The following RPS6KA2 variants were observed in gnomAD, a reference collection of about 807,000 sequenced individuals.
RPS6KA2 encodes ribosomal protein S6 kinase A2.
Under a neutral mutation model 91.8 loss-of-function variants are expected in RPS6KA2, and 42 were observed. The ratio of observed to expected loss-of-function variants is 0.46; its 90% CI spans 0.36 to 0.59. The LOEUF is 0.59. Among genes scored for constraint, RPS6KA2 ranks in the 20% least tolerant of loss-of-function variants. RPS6KA2 has a pLI of 0.00. For synonymous variants in RPS6KA2, 414 were observed against 393.6 expected (o/e 1.05, Z -0.61); for missense variants, 798 against 978.5 (o/e 0.82, Z 2.46).
intron 14 of RPS6KA2, among the ~76,000 whole-genome samples, chr6:166,438,245 T>C (rs1244980692): frequency 2.0e-5 from 3 of 152,256 alleles, no homozygotes; most frequent in South Asian, 2.1e-4. Context: ...TAAGCTCTAT[T>C]CATGCCGAAC....
intron 1 of RPS6KA2, among the ~76,000 whole-genome samples, chr6:166,616,883 C>G (rs948712084): frequency 9.9e-5 from 15 of 152,232 alleles, no homozygotes; most frequent in African/African-American, 3.6e-4. Context: ...CCCCTGACAA[C>G]AGGTGCCTGA....
intron 3 of RPS6KA2, among the ~76,000 whole-genome samples, chr6:166,518,178 T>G (rs1009264445): frequency 6.8e-6 from 1 of 147,882 alleles, no homozygotes; most frequent in Non-Finnish European, 1.5e-5. Flanking sequence ...CCCTAGCTAC[T>G]TGGGAGGCTG....
At chr6:166,417,258 G>T (rs544440646) in intron 19 of RPS6KA2, among the ~76,000 whole-genome samples, 9 of 152,298 alleles carry the variant, frequency 5.9e-5, no homozygotes, top group African/African-American at 2.2e-4. Flanking sequence ...CAATCATTCT[G>T]CAATATCACT....
rs559508991 is a variant in RPS6KA2, at chr6:166,648,959, C to T, written c.124-110175G>A. On this transcript the variant is annotated intron_variant, in intron 2 of 21. Transcript: ENST00000503859. This position sits in a 1 kb window ranked among gnomAD's most constrained non-coding sequence, Gnocchi z 4.8. ...AGGCCACTGGCACCTCATGCCAGCC[C>T]TACTAATGGGCTCCTTCCTTCGCCC... Among the ~76,000 whole-genome samples the T allele has an allele frequency of 3.4e-4, 52 of 152,306 alleles. No individual in the cohort carries two copies. The East Asian group carries it at 6.0e-3, about 17-fold the overall frequency.
chr6:166,423,531 T>G lies in RPS6KA2; in HGVS notation c.1582-114A>C. On this transcript the variant is annotated intron_variant, in intron 16 of 20. Transcript: ENST00000265678. The surrounding 1 kb of genome is among the most constrained non-coding windows in gnomAD (Gnocchi z 4.8). ...TGGGAACTGTCTTCCTAGCAGGTCC[T>G]GCAAGCAGGCAACAGGCCAACAGTG... 3 of 1,031,366 alleles carry G rather than the reference T, an allele frequency of 2.9e-6. No individual in the cohort carries two copies. The highest frequency in any genetic ancestry group is 4.2e-6 in the Non-Finnish European group (3 of 714,456). 63.9% of individuals were successfully genotyped at this position (1,031,366 alleles called of 1,614,324 possible).
In RPS6KA2 at chr6:166,493,653, C is replaced by T. The variant is rs752638119; in HGVS notation, c.748-2912G>A. Among the ~76,000 whole-genome samples, 6 of 152,032 alleles carry T rather than the reference C, an allele frequency of 3.9e-5. No individual in the cohort carries two copies. Among genetic ancestry groups the T allele is most frequent in the African/African-American group, 7.3e-5 (3 of 41,352 alleles). On this transcript the variant is annotated intron_variant, in intron 8 of 20. Transcript: ENST00000265678. This position sits in a 1 kb window ranked among gnomAD's most constrained non-coding sequence, Gnocchi z 4.7. ...CAAGGAGATGTAGCCAAAGCTCCACCGGGTGCAGGCCCGATGCTTCTGGGA... is the reference window on the plus strand; with the variant it reads ...CAAGGAGATGTAGCCAAAGCTCCACTGGGTGCAGGCCCGATGCTTCTGGGA...
At chr6:166,745,237 T>C (rs1033819823) in intron 2 of RPS6KA2, among the ~76,000 whole-genome samples, 1 of 149,676 alleles carries the variant, frequency 6.7e-6, no homozygotes. Flanking sequence ...CTGCAACCTC[T>C]GCCTCCTGGG....
intron 2 of RPS6KA2, among the ~76,000 whole-genome samples, chr6:166,831,969 C>T (rs781045132): frequency 1.6e-4 from 24 of 150,562 alleles, no homozygotes; most frequent in Non-Finnish European, 3.1e-4. Flanking sequence ...TAGATACATA[C>T]GTAGATAATA....
intron 1 of RPS6KA2, among the ~76,000 whole-genome samples, chr6:166,620,831 C>T (rs1562347154): frequency 6.6e-6 from 1 of 152,168 alleles, no homozygotes; most frequent in African/African-American, 2.4e-5. Flanking sequence ...GACAGGTGCT[C>T]AGAAGGATTC....
chr6:166,851,264 G>A (rs1780734951), intron 2 of RPS6KA2, among the ~76,000 whole-genome samples: 1 of 152,146 alleles, frequency 6.6e-6, no homozygotes, highest in Admixed American at 6.5e-5. Flanking sequence ...CTCAGACCTG[G>A]GAGGCCTTAC....
At position 166,494,227 on chromosome 6, in the gene RPS6KA2, C is replaced by A. The variant is rs1254951374; in HGVS notation, c.748-3486G>T. On this transcript the variant is annotated intron_variant, in intron 8 of 20. Coordinates refer to ENST00000265678, the MANE Select transcript of RPS6KA2 (RefSeq NM_021135.6). The surrounding 1 kb of genome is among the most constrained non-coding windows in gnomAD (Gnocchi z 5.1). The stretch of plus-strand genomic sequence containing the variant: ...GCCCATGTGTGGAGGTCCCTGTGTG[C>A]ACAGACACATGCCCTCTAATCCGAG... Among the ~76,000 whole-genome samples, 1 of 152,166 alleles carries A rather than the reference C, an allele frequency of 6.6e-6. No individual in the cohort carries two copies. The highest frequency in any genetic ancestry group is 2.4e-5 in the African/African-American group (1 of 41,448).
chr6:166,511,301 A>G (rs149347447), intron 3 of RPS6KA2, among the ~76,000 whole-genome samples: 452 of 152,312 alleles, frequency 3.0e-3, no homozygotes, highest in African/African-American at 0.01. Context: ...TCCCTGCCTG[A>G]ATCATTCAGG....
intron 2 of RPS6KA2, among the ~76,000 whole-genome samples, chr6:166,710,981 T>C (rs1376619737): frequency 6.6e-6 from 1 of 152,118 alleles, no homozygotes; most frequent in East Asian, 1.9e-4. Flanking sequence ...AGAAAAACCT[T>C]GGCCCCACCT....
intron 2 of RPS6KA2, among the ~76,000 whole-genome samples, chr6:166,748,592 T>TTCTCGGGCCCCCACC (rs1791116182): frequency 4.6e-5 from 1 of 21,598 alleles, no homozygotes; most frequent in Non-Finnish European, 9.0e-5. Context: ...GGGCCCCCAT[T>TTCTCGGGCCCCCACC]TCCTCAGGCC....
chr6:166,571,346 T>C (rs898524439), intron 1 of RPS6KA2, among the ~76,000 whole-genome samples: 2 of 151,162 alleles, frequency 1.3e-5, no homozygotes, highest in African/African-American at 4.9e-5. Context: ...AGCAAAGAGG[T>C]TGCTGCTTCC....
intron 2 of RPS6KA2, among the ~76,000 whole-genome samples, chr6:166,838,436 T>C (rs1250432877): frequency 5.3e-5 from 8 of 152,206 alleles, no homozygotes; most frequent in Admixed American, 4.6e-4. Flanking sequence ...TGAAATGTTA[T>C]GGTTTATATA....
At chr6:166,442,656 T>C (rs1289094130) in intron 14 of RPS6KA2, among the ~76,000 whole-genome samples, 1 of 152,190 alleles carries the variant, frequency 6.6e-6, no homozygotes, top group Non-Finnish European at 1.5e-5. Context: ...AGTTTCCTCT[T>C]CATATGTGTA....
rs1329260862 is a variant in RPS6KA2, at chr6:166,852,410, C to G, written c.123+5790G>C. ...TCACCTTGTCTCACTTCTATTCAGACCAGTTTAGATTGTTTTTCTTTCTGT... is the reference window on the plus strand; with the variant it reads ...TCACCTTGTCTCACTTCTATTCAGAGCAGTTTAGATTGTTTTTCTTTCTGT... On this transcript the variant is annotated intron_variant, in intron 2 of 21. Transcript: ENST00000503859. This position sits in a 1 kb window ranked among gnomAD's most constrained non-coding sequence, Gnocchi z 4.1. 6.6e-6 allele frequency among the ~76,000 whole-genome samples: 1 copy of G among 152,032 alleles called. No individual in the cohort carries two copies. Among genetic ancestry groups the G allele is most frequent in the African/African-American group, 2.4e-5 (1 of 41,360 alleles).
chr6:166,845,815 A>G (rs1480637307), intron 2 of RPS6KA2, among the ~76,000 whole-genome samples: 2 of 152,196 alleles, frequency 1.3e-5, no homozygotes, highest in African/African-American at 4.8e-5. Context: ...TGGAGAAACA[A>G]GAACAATCAA....
Sources: allele counts gnomAD v4.1 joint callset (sites outside exome capture counted in the v4.1 genomes callset), GRCh38; gene constraint gnomAD v4.1.1; non-coding constraint Gnocchi (gnomAD v3.1); transcripts MANE v1.5; gene names NCBI Gene and HGNC (gene_info 2026-07-23, HGNC 2026-07-21).